Variants in TMEM108 observed in about 807,000 individuals in gnomAD.
TMEM108 encodes the protein cancer/testis antigen 124.
Under a neutral mutation model 35.1 loss-of-function variants are expected in TMEM108, and 12 were observed. The observed-to-expected ratio is 0.34, with a 90% CI of 0.22 to 0.55. The LOEUF (loss-of-function observed/expected upper bound fraction) is 0.55, where lower values mean the gene tolerates loss of function less well. TMEM108 is among the 20% of genes least tolerant of loss of function. TMEM108 has a pLI of 0.89. For missense variants in TMEM108, 680 were observed against 753.3 expected, an observed-to-expected ratio of 0.90 and a Z score of 1.14; for synonymous variants, 287 against 308.6, an observed-to-expected ratio of 0.93 and a Z score of 0.73.
chr3:133,264,402 T>A (rs973147667), intron 3 of TMEM108, among the ~76,000 whole-genome samples: 3 of 152,200 alleles, frequency 2.0e-5, no homozygotes, highest in Non-Finnish European at 4.4e-5. Context: ...TCCAGATTGC[T>A]CATGAGCAGG....
rs369308977 is a variant in TMEM108 at position 133,386,845 on chromosome 3, G to A, written c.1451-3335G>A. ...CATCAAGACCTGGACTCAAGTTGCA[G>A]TAATTAGTTGGGTGATCAAGATCAA... On this transcript the variant is annotated intron_variant, in intron 4 of 5. Transcript: ENST00000321871. 7.8e-5 allele frequency: 49 copies of A among 626,304 alleles called. No homozygotes were observed. In the African/African-American group the frequency reaches 8.6e-4, roughly 11 times the overall value. 38.8% of individuals were successfully genotyped at this position (626,304 alleles called of 1,614,324 possible).
At chr3:133,110,221 T>C (rs917211380) in intron 2 of TMEM108, among the ~76,000 whole-genome samples, 1 of 152,116 alleles carries the variant, frequency 6.6e-6, no homozygotes, top group South Asian at 2.1e-4. Context: ...CTCTGTTGCT[T>C]CTGGAGTTGA....
intron 3 of TMEM108, among the ~76,000 whole-genome samples, chr3:133,272,110 A>T (rs918832289): frequency 6.6e-6 from 1 of 152,152 alleles, no homozygotes; most frequent in African/African-American, 2.4e-5. Context: ...GGCTGTGCAG[A>T]TTCTTGGATT....
intron 3 of TMEM108, among the ~76,000 whole-genome samples, chr3:133,342,246 A>G (rs1308351000): frequency 1.3e-5 from 2 of 151,642 alleles, no homozygotes; most frequent in African/African-American, 4.8e-5. Context: ...ATTTCTCAAA[A>G]GAAGACATAC....
chr3:133,084,278 A>G (rs1259668611), intron 2 of TMEM108, among the ~76,000 whole-genome samples: 2 of 152,172 alleles, frequency 1.3e-5, no homozygotes, highest in Non-Finnish European at 2.9e-5. Flanking sequence ...CCTCTGGTCA[A>G]CTAGATTTTC....
chr3:133,239,956 G>A (rs1398151275), intron 3 of TMEM108, among the ~76,000 whole-genome samples: 1 of 152,178 alleles, frequency 6.6e-6, no homozygotes, highest in Non-Finnish European at 1.5e-5. Flanking sequence ...GGATGTACTG[G>A]AAGTTAGTTT....
chr3:133,381,856 C>G (rs1437023337), intron 4 of TMEM108, among the ~76,000 whole-genome samples: 2 of 152,116 alleles, frequency 1.3e-5, no homozygotes, highest in Non-Finnish European at 2.9e-5. Context: ...TAGCAACTCT[C>G]CACCCCCACC....
chr3:133,321,381 A>G (rs1353881104), intron 3 of TMEM108, among the ~76,000 whole-genome samples: 2 of 152,240 alleles, frequency 1.3e-5, no homozygotes, highest in African/African-American at 4.8e-5. Flanking sequence ...TATATCAGAC[A>G]AAACAAACTT....
chr3:133,107,623 G>C lies in TMEM108; in HGVS notation c.-47+61603G>C, dbSNP rs1207402222. On this transcript the variant is annotated intron_variant, in intron 2 of 5. Coordinates refer to ENST00000321871, the MANE Select transcript of TMEM108 (RefSeq NM_023943.4). ...GTCAGATTACAAAGGGGATTTAATT[G>C]CCAGCAAGATCTTGATGTTAATTCA... is the stretch of plus-strand genomic sequence containing the variant. 2.6e-5 allele frequency among the ~76,000 whole-genome samples: 4 copies of C among 152,090 alleles called. No homozygotes were observed. In the East Asian group the frequency reaches 7.7e-4, roughly 29 times the overall value.
At chr3:133,151,975 A>G (rs796285675) in intron 2 of TMEM108, among the ~76,000 whole-genome samples, 9 of 152,268 alleles carry the variant, frequency 5.9e-5, no homozygotes, top group African/African-American at 2.2e-4. Flanking sequence ...AGTAGACCAT[A>G]TGCTACTGTA....
At chr3:133,296,877 A>C (rs973869114) in intron 3 of TMEM108, among the ~76,000 whole-genome samples, 1 of 152,210 alleles carries the variant, frequency 6.6e-6, no homozygotes, top group Non-Finnish European at 1.5e-5. Context: ...ATCAGGTAGA[A>C]GGAAGAATAG....
intron 2 of TMEM108, among the ~76,000 whole-genome samples, chr3:133,228,880 T>C (rs555502375): frequency 6.6e-6 from 1 of 152,322 alleles, no homozygotes; most frequent in East Asian, 1.9e-4. Flanking sequence ...GCTTGTTTTT[T>C]GTTTGTTTTA....
At chr3:133,161,323 C>A (rs1944958342) in intron 2 of TMEM108, among the ~76,000 whole-genome samples, 1 of 152,160 alleles carries the variant, frequency 6.6e-6, no homozygotes, top group Non-Finnish European at 1.5e-5. Context: ...GAGGGGCATT[C>A]TTTCATCACT....
chr3:133,307,481 C>T (rs1180900083), intron 3 of TMEM108, among the ~76,000 whole-genome samples: 2 of 152,210 alleles, frequency 1.3e-5, no homozygotes, highest in East Asian at 1.9e-4. Context: ...CCTAGTTTTT[C>T]TTCTAGGGTT....
chr3:133,319,142 C>T (rs1328212764), intron 3 of TMEM108, among the ~76,000 whole-genome samples: 1 of 152,098 alleles, frequency 6.6e-6, no homozygotes, highest in Non-Finnish European at 1.5e-5. Context: ...ACCCCGTTGG[C>T]CCAAGAACCA....
chr3:133,045,024 G>A (rs1012315591), intron 1 of TMEM108, among the ~76,000 whole-genome samples: 3 of 150,392 alleles, frequency 2.0e-5, no homozygotes, highest in Admixed American at 6.7e-5. Context: ...CTGGAGTGCA[G>A]TGGCGTGATC....
At chr3:133,074,424 C>T (rs58644048) in intron 2 of TMEM108, 1 of 152,162 alleles carries the variant, frequency 6.6e-6, no homozygotes, top group Non-Finnish European at 1.5e-5. Flanking sequence ...GCTTAGCCTA[C>T]CTTAAATGTG....
intron 2 of TMEM108, among the ~76,000 whole-genome samples, chr3:133,213,226 G>A (rs1026934516): frequency 2.4e-4 from 36 of 152,200 alleles, no homozygotes; most frequent in Non-Finnish European, 2.9e-5. Context: ...TATTAGCCCA[G>A]GAGAAAGGGA....
chr3:133,113,434 C>T (rs1944249976), intron 2 of TMEM108, among the ~76,000 whole-genome samples: 2 of 152,170 alleles, frequency 1.3e-5, no homozygotes, highest in Admixed American at 1.3e-4. Context: ...TGGAACCCTT[C>T]ACCCACCTTC....
Sources: gnomAD v4.1 joint callset for allele counts (sites outside exome capture counted in the v4.1 genomes callset) on GRCh38, gnomAD v4.1.1 for gene constraint, MANE v1.5 for transcripts, NCBI Gene and HGNC (gene_info 2026-07-23, HGNC 2026-07-21) for gene names.